CFB: variants seen among roughly 807,000 people sequenced by gnomAD.
CFB encodes complement factor B.
CFB carries 59 observed loss-of-function variants against 97.2 expected under a neutral mutation model. That is an observed-to-expected ratio of 0.61 (90% confidence interval 0.49 to 0.75). The LOEUF (loss-of-function observed/expected upper bound fraction) is 0.75, where lower values mean the gene tolerates loss of function less well. Among genes scored for constraint, CFB ranks in the 30% least tolerant of loss-of-function variants. CFB has a pLI of 0.00. For missense variants in CFB, 771 were observed against 959.8 expected, an observed-to-expected ratio of 0.80 and a Z score of 2.60; for synonymous variants, 316 against 351.7, an observed-to-expected ratio of 0.90 and a Z score of 1.14.
Position 31,951,783 on chromosome 6 carries a change from C to T in CFB, c.2140-92C>T. On this transcript the variant is annotated intron_variant, in intron 17 of 17. Coordinates refer to ENST00000425368, the MANE Select transcript of CFB (RefSeq NM_001710.6). This position sits in a 1 kb window ranked among gnomAD's most constrained non-coding sequence, Gnocchi z 4.3. ...CTGAGCTGGGTCCCTAGTCTGATTC[C>T]TTTAGGTCAGCTAAGACACAAGCAG... 6.2e-7 allele frequency: 1 copy of T among 1,602,452 alleles called. No individual in the cohort carries two copies. Among genetic ancestry groups the T allele is most frequent in the Non-Finnish European group, 8.5e-7 (1 of 1,170,660 alleles).
intron 12 of CFB, 34 bp downstream of exon 12, chr6:31,950,437 T>C: frequency 6.3e-7 from 1 of 1,590,856 alleles, no homozygotes; most frequent in Middle Eastern, 1.7e-4. Flanking sequence ...GGGCTGCACC[T>C]ATGCTCTCCA....
chr6:31,946,367 C>T lies in CFB; in HGVS notation c.65-6C>T. 6.2e-7 allele frequency: 1 copy of T among 1,613,048 alleles called. No homozygotes were observed. The highest frequency in any genetic ancestry group is 1.1e-5 in the South Asian group (1 of 91,090). On this transcript the variant is annotated splice_region_variant and splice_polypyrimidine_tract_variant and intron_variant, in intron 1 of 17. Coordinates refer to ENST00000425368, the MANE Select transcript of CFB (RefSeq NM_001710.6). This position sits in a 1 kb window ranked among gnomAD's most constrained non-coding sequence, Gnocchi z 6.4. ...GGGGCCAGGCTTCATCAGCCTTTCT[C>T]TTCAGGTGTGACCACCACTCCATGG...
In CFB at chr6:31,946,187, C is replaced by T. The variant is rs764479333; in HGVS notation, c.-35C>T. ...AAGCAAGCCAGGACACACCATCCTGCCCCAGGCCCAGCTTCTCTCCTGCCT... is the reference window on the plus strand; with the variant it reads ...AAGCAAGCCAGGACACACCATCCTGTCCCAGGCCCAGCTTCTCTCCTGCCT... On this transcript the variant is annotated 5_prime_UTR_variant, in exon 1 of 18. Transcript: ENST00000425368. This position sits in a 1 kb window ranked among gnomAD's most constrained non-coding sequence, Gnocchi z 6.4. 4 of 1,610,490 alleles carry T rather than the reference C, an allele frequency of 2.5e-6. No homozygotes were observed. The highest frequency in any genetic ancestry group is 3.4e-6 in the Non-Finnish European group (4 of 1,177,656).
chr6:31,951,820 C>T lies in CFB; in HGVS notation c.2140-55C>T, dbSNP rs1244701248. ...TAAGACACAAGCAGGAACAGCCATG[C>T]TTCCAGGATTAGGAATTCTACTGAA... On this transcript the variant is annotated intron_variant, in intron 17 of 17. Transcript: ENST00000425368. This position sits in a 1 kb window ranked among gnomAD's most constrained non-coding sequence, Gnocchi z 4.3. 4 of 1,611,930 alleles carry T rather than the reference C, an allele frequency of 2.5e-6. No homozygotes were observed. Among genetic ancestry groups the T allele is most frequent in the African/African-American group, 1.3e-5 (1 of 74,886 alleles).
chr6:31,950,203 G>A, intron 11 of CFB, 56 bp downstream of exon 11: 3 of 1,605,662 alleles, frequency 1.9e-6, no homozygotes, highest in Non-Finnish European at 2.6e-6. Context: ...AAGGTGAAAT[G>A]GGAGTAGGGG....
intron 7 of CFB, 108 bp from the exon 8 acceptor site, chr6:31,948,722 T>C: frequency 6.3e-7 from 1 of 1,584,958 alleles, no homozygotes; most frequent in South Asian, 1.1e-5. Flanking sequence ...GTAATGATGA[T>C]TAACTTAAAA....
Position 31,951,583 on chromosome 6 carries a change from C to G in CFB, c.2118C>G (p.His706Gln). ...ATTCTGGCGGCCCCTTGATAGTTCACAAGAGAAGTCGTTTCATTCAAGTGA... is the reference window on the plus strand; with the variant it reads ...ATTCTGGCGGCCCCTTGATAGTTCAGAAGAGAAGTCGTTTCATTCAAGTGA... ...RGDSGGPLIVHKRSRFIQVGV... is the reference protein window; with the variant it reads ...RGDSGGPLIVQKRSRFIQVGV... Residue 706 changes from histidine to glutamine, a missense_variant, in exon 17 of 18, where the codon CAC (histidine) becomes CAG (glutamine). Transcript: ENST00000425368. This position sits in a 1 kb window ranked among gnomAD's most constrained non-coding sequence, Gnocchi z 4.3. The G allele has an allele frequency of 6.2e-7, 1 of 1,614,216 alleles. No homozygotes were observed. Among genetic ancestry groups the G allele is most frequent in the Non-Finnish European group, 8.5e-7 (1 of 1,180,044 alleles).
In CFB at chr6:31,947,791, T is replaced by G; in HGVS notation, c.708T>G (p.Ser236=). The G allele has an allele frequency of 6.2e-7, 1 of 1,613,436 alleles. No individual in the cohort carries two copies. Among genetic ancestry groups the G allele is most frequent in the Non-Finnish European group, 8.5e-7 (1 of 1,180,034 alleles). Residue 236 remains serine, a synonymous_variant, in exon 5 of 18, where the codon TCT becomes TCG. Transcript: ENST00000425368. This position sits in a 1 kb window ranked among gnomAD's most constrained non-coding sequence, Gnocchi z 5.3. ...TPQEVAEAFL[S]SLTETIEGVD... is the part of the protein sequence containing the mutation. ...AAGAGGTGGCCGAAGCTTTCCTGTC[T>G]TCCCTGACAGAGACCATAGAAGGAG...
At position 31,946,626 on chromosome 6, in the gene CFB, G is replaced by A; in HGVS notation, c.298+20G>A. 2 of 1,597,050 alleles carry A rather than the reference G, an allele frequency of 1.3e-6. No individual in the cohort carries two copies. The highest frequency in any genetic ancestry group is 1.7e-6 in the Non-Finnish European group (2 of 1,174,506). On this transcript the variant is annotated intron_variant, in intron 2 of 17. Coordinates refer to ENST00000425368, the MANE Select transcript of CFB (RefSeq NM_001710.6). This position sits in a 1 kb window ranked among gnomAD's most constrained non-coding sequence, Gnocchi z 6.4. ...GCAGAGGTTTGAGGGCAATGAGTGT[G>A]GGCAGTGGCCTAAGGCAGAAACAGG...
intron 12 of CFB, 24 bp downstream of exon 12, chr6:31,950,427 G>A: frequency 6.2e-7 from 1 of 1,601,598 alleles, no homozygotes; most frequent in Non-Finnish European, 8.5e-7. Context: ...TGAAGGTCCT[G>A]GGCTGCACCT....
rs756457972 is a variant in CFB at position 31,947,330 on chromosome 6, T to G, written c.485-18T>G. 1 of 1,612,914 alleles carries G rather than the reference T, an allele frequency of 6.2e-7. No homozygotes were observed. Among genetic ancestry groups the G allele is most frequent in the African/African-American group, 1.3e-5 (1 of 75,044 alleles). ...CCTCAGGCTTCAGTGCTTACCTCGA[T>G]GTCTCATACCTCTGCAGCGGGGTAC... On this transcript the variant is annotated intron_variant, in intron 3 of 17. Transcript: ENST00000425368. This position sits in a 1 kb window ranked among gnomAD's most constrained non-coding sequence, Gnocchi z 5.3.
chr6:31,946,995 C>T lies in CFB; in HGVS notation c.299-12C>T, dbSNP rs1232844932. 1.2e-6 allele frequency: 2 copies of T among 1,612,782 alleles called. No individual in the cohort carries two copies. The highest frequency in any genetic ancestry group is 2.7e-5 in the African/African-American group (2 of 74,856). ...CCTCTTGATGACTTCTACTTGTCCCCCCTTCTCAAAGCAATCCACTGTCCA... is the reference window on the plus strand; with the variant it reads ...CCTCTTGATGACTTCTACTTGTCCCTCCTTCTCAAAGCAATCCACTGTCCA... On this transcript the variant is annotated splice_polypyrimidine_tract_variant and intron_variant, in intron 2 of 17. Transcript: ENST00000425368. The surrounding 1 kb of genome is among the most constrained non-coding windows in gnomAD (Gnocchi z 6.4).
At chr6:31,948,267 C>T in intron 6 of CFB, 107 bp from the exon 7 acceptor site, 1 of 1,546,360 alleles carries the variant, frequency 6.5e-7, no homozygotes, top group Admixed American at 1.7e-5. Flanking sequence ...AACCTCAGCC[C>T]TTGAGCCTCT....
intron 9 of CFB, 22 bp from the exon 10 acceptor site, chr6:31,949,398 A>C (rs1453775707): frequency 1.2e-6 from 2 of 1,614,172 alleles, no homozygotes; most frequent in Non-Finnish European, 1.7e-6. Flanking sequence ...TTGGACCCTC[A>C]TCCTTCCTTT....
chr6:31,950,068 G>A lies in CFB; in HGVS notation c.1427G>A (p.Ser476Asn). The A allele has an allele frequency of 6.2e-7, 1 of 1,613,076 alleles. No homozygotes were observed. Residue 476 changes from serine to asparagine, a missense_variant, in exon 11 of 18, where the codon AGT becomes AAT. By Grantham distance (46) the Ser-to-Asn change is conservative. Coordinates refer to ENST00000425368, the MANE Select transcript of CFB (RefSeq NM_001710.6). ...CTGCCAGATGAAAGCCAGTCTCTGAGTCTCTGTGGCATGGTTTGGGAACAC... is the reference window on the plus strand; with the variant it reads ...CTGCCAGATGAAAGCCAGTCTCTGAATCTCTGTGGCATGGTTTGGGAACAC... Reference protein sequence around the residue: ...YQMIDESQSLSLCGMVWEHRK... With the variant: ...YQMIDESQSLNLCGMVWEHRK...
rs1229029793 is a variant in CFB at position 31,950,106 on chromosome 6, G to A, written c.1465G>A (p.Asp489Asn). 10 of 1,613,040 alleles carry A rather than the reference G, an allele frequency of 6.2e-6. No homozygotes were observed. Among genetic ancestry groups the A allele is most frequent in the Admixed American group, 3.3e-5 (2 of 60,018 alleles). Residue 489 changes from aspartate (D) to asparagine (N), a missense_variant, in exon 11 of 18, where the codon GAT (aspartate) becomes AAT (asparagine). Physicochemically the swap from Asp to Asn is conservative, Grantham distance 23. Transcript: ENST00000425368. ...GGTTTGGGAACACAGGAAGGGTACC[G>A]ATTACCACAAGCAACCATGGCAGGC... is the stretch of plus-strand genomic sequence containing the variant. ...GMVWEHRKGT[D>N]YHKQPWQAKI...
chr6:31,949,643 G>C (rs1771634737), intron 10 of CFB, 86 bp downstream of exon 10: 2 of 1,546,622 alleles, frequency 1.3e-6, no homozygotes, highest in Admixed American at 1.7e-5. Context: ...TGAAGCTCTA[G>C]TTGCCTGGAA....
At position 31,950,508 on chromosome 6, in the gene CFB, C is replaced by T. The variant is rs575706196; in HGVS notation, c.1624+105C>T. ...CACCCATCCTCAATGCAGCCCCATT[C>T]CTTGCACCCCAGACCAGTCAGGGAT... On this transcript the variant is annotated intron_variant, in intron 12 of 17. Transcript: ENST00000425368. 1.6e-3 allele frequency: 2,555 copies of T among 1,575,156 alleles called. 3 individuals carry two copies. Among genetic ancestry groups the T allele is most frequent in the Non-Finnish European group, 2.1e-3 (2,413 of 1,149,642 alleles).
intron 10 of CFB, 129 bp from the exon 11 acceptor site, chr6:31,949,920 GA>G: frequency 1.1e-6 from 1 of 891,510 alleles, no homozygotes; most frequent in East Asian, 2.6e-5. Flanking sequence ...CTAACACGAG[GA>G]AACAAATACC....
Sources: allele counts gnomAD v4.1 joint callset, GRCh38; gene constraint gnomAD v4.1.1; non-coding constraint Gnocchi (gnomAD v3.1); transcripts MANE v1.5; gene names NCBI Gene and HGNC (gene_info 2026-07-23, HGNC 2026-07-21).